Variants in HELT observed in about 807,000 individuals in gnomAD.
HELT encodes hairy and enhancer of split-related protein HELT.
Under a neutral mutation model 19.5 loss-of-function variants are expected in HELT, and 9 were observed. That is an observed-to-expected ratio of 0.46 (90% CI 0.28 to 0.80). The LOEUF (loss-of-function observed/expected upper bound fraction) is 0.80. Among genes scored for constraint, HELT ranks in the 30% least tolerant of loss-of-function variants. The pLI is 0.12. For synonymous variants in HELT, 162 were observed against 148.3 expected (o/e 1.09, Z -0.67); for missense variants, 366 against 326.3 (o/e 1.12, Z -0.94).
At chr4:185,019,132 G>A in intron 1 of HELT, 177 bp downstream of exon 1, 1 of 1,563,354 alleles carries the variant, frequency 6.4e-7, no homozygotes, top group South Asian at 1.2e-5. Flanking sequence ...GCTCAACCAG[G>A]TAGAAGTCCT....
chr4:185,020,362 C>A lies in HELT; in HGVS notation c.319C>A (p.Arg107=), dbSNP rs371797374. 6.2e-7 allele frequency: 1 copy of A among 1,614,228 alleles called. No homozygotes were observed. The highest frequency in any genetic ancestry group is 1.3e-5 in the African/African-American group (1 of 75,072). The part of the protein sequence containing the change: ...NLVHYLTTVE[R]METKDTKYAR... ...GGTGCATTACCTCACCACGGTGGAG[C>A]GGATGGAGACCAAGGACACGAAGTA... Residue 107 remains arginine (R), a synonymous_variant, in exon 4 of 4, where the codon CGG becomes AGG. Coordinates refer to ENST00000515777, the MANE Select transcript of HELT (RefSeq NM_001300781.2).
At chr4:185,020,112 G>A (rs548330166) in intron 3 of HELT, among the ~76,000 whole-genome samples, 161 bp from the exon 4 acceptor site, 1 of 152,364 alleles carries the variant, frequency 6.6e-6, no homozygotes, top group Non-Finnish European at 1.5e-5. Flanking sequence ...GCGTTTGCGC[G>A]TGCCTCGCCA....
intron 1 of HELT, 107 bp downstream of exon 1, chr4:185,019,062 C>CT (rs1733979483): frequency 6.2e-7 from 1 of 1,613,092 alleles, no homozygotes; most frequent in Non-Finnish European, 8.5e-7. Context: ...CCGCACGGGA[C>CT]TTTGAGTGTG....
Position 185,018,778 on chromosome 4 carries a change from T to G in HELT, c.-151T>G. On this transcript the variant is annotated 5_prime_UTR_variant, in exon 1 of 4. It removes an upstream start codon present in the reference 5' UTR. Transcript: ENST00000515777. ...CCTATGGAATAATTCAACTCGTGAA[T>G]GCATCTGGAGCCCTAGATGACCGCT... is the stretch of plus-strand genomic sequence containing the variant. 3.3e-6 allele frequency: 2 copies of G among 607,546 alleles called. No homozygotes were observed. Among genetic ancestry groups the G allele is most frequent in the Non-Finnish European group, 5.5e-6 (2 of 360,580 alleles). The allele number at this position is 607,546 out of a possible 1,614,324, so 37.6% of individuals were successfully genotyped here.
At position 185,020,625 on chromosome 4, in the gene HELT, G is replaced by T. The variant is rs1269702754; in HGVS notation, c.582G>T (p.Ala194=). 1.2e-6 allele frequency: 2 copies of T among 1,601,996 alleles called. No homozygotes were observed. Among genetic ancestry groups the T allele is most frequent in the African/African-American group, 1.3e-5 (1 of 74,838 alleles). Residue 194 remains alanine, a synonymous_variant, in exon 4 of 4, where the codon GCG becomes GCT. Coordinates refer to ENST00000515777, the MANE Select transcript of HELT (RefSeq NM_001300781.2). ...CCGCGCTGCCCTACCTGCCCAGCGC[G>T]CCAGTGCCGCTCGCTAGCCCAGCGC... is the stretch of plus-strand genomic sequence containing the variant. ...RSPALPYLPS[A]PVPLASPAQQ...
chr4:185,019,613 C>T, intron 2 of HELT, 122 bp downstream of exon 2: 6 of 1,586,020 alleles, frequency 3.8e-6, no homozygotes, highest in Non-Finnish European at 5.1e-6. Flanking sequence ...AGGCGGGGGG[C>T]CTGAGCGCAG....
chr4:185,018,959 A>G lies in HELT; in HGVS notation c.27+4A>G. The G allele has an allele frequency of 6.2e-7, 1 of 1,612,714 alleles. No homozygotes were observed. The highest frequency in any genetic ancestry group is 8.5e-7 in the Non-Finnish European group (1 of 1,179,144). ...AGACAAGCTCAAGGAACGCAAAGTG[A>G]GTCGGCTGAGCCCAAATGGCACTTG... On this transcript the variant is annotated splice_donor_region_variant and intron_variant, in intron 1 of 3. Coordinates refer to ENST00000515777, the MANE Select transcript of HELT (RefSeq NM_001300781.2).
rs1180688167 is a variant in HELT, at chr4:185,019,061, A to T, written c.27+106A>T. ...GATGGCAGGGAAGTGCCCGCACGGG[A>T]CTTTGAGTGTGGAGGAATCTCGAGT... On this transcript the variant is annotated intron_variant, in intron 1 of 3. Transcript: ENST00000515777. 3.1e-6 allele frequency: 5 copies of T among 1,613,218 alleles called. No individual in the cohort carries two copies. Among genetic ancestry groups the T allele is most frequent in the Admixed American group, 3.3e-5 (2 of 59,930 alleles).
chr4:185,019,303 G>T (rs1017823483), intron 1 of HELT, 84 bp from the exon 2 acceptor site: 1 of 1,231,844 alleles, frequency 8.1e-7, no homozygotes. Context: ...GGCTGGAGAG[G>T]CGGCTTGCAC....
In HELT at chr4:185,020,824, T is replaced by TG; in HGVS notation, c.*53dup. 1 of 1,491,614 alleles carries TG rather than the reference T, an allele frequency of 6.7e-7. No individual in the cohort carries two copies. Among genetic ancestry groups the TG allele is most frequent in the Non-Finnish European group, 8.9e-7 (1 of 1,129,224 alleles). 92.4% of individuals were successfully genotyped at this position (1,491,614 alleles called of 1,614,324 possible). A position where few individuals can be genotyped will look rare whatever the true frequency, so the allele number is the denominator to read the frequency against. On this transcript the variant is annotated 3_prime_UTR_variant, in exon 4 of 4. Transcript: ENST00000515777. ...TCGCTTTGGGCGCTTTTAGGAGAAA[T>TG]GCTGTATATATTGTACACATAATGT...
intron 3 of HELT, 94 bp downstream of exon 3, chr4:185,019,937 G>C (rs1489430738): frequency 3.4e-6 from 4 of 1,167,736 alleles, no homozygotes; most frequent in Admixed American, 4.4e-5. Flanking sequence ...GTGTTCCCGA[G>C]AGCTCTACTA....
At chr4:185,018,988 C>G in intron 1 of HELT, 33 bp downstream of exon 1, 1 of 1,614,000 alleles carries the variant, frequency 6.2e-7, no homozygotes. Flanking sequence ...GCACTTGCGC[C>G]CTGGTGGTGG....
In HELT at chr4:185,020,565, G is replaced by A. The variant is rs1283347285; in HGVS notation, c.522G>A (p.Gly174=). 6.9e-6 allele frequency: 11 copies of A among 1,600,004 alleles called. No homozygotes were observed. Among genetic ancestry groups the A allele is most frequent in the Admixed American group, 1.7e-5 (1 of 59,360 alleles). ...AAVFPQGSGA[G]PFPWPPGAAR... is the part of the protein sequence containing the mutation. ...TGTTCCCGCAGGGCTCTGGTGCCGG[G>A]CCTTTCCCCTGGCCGCCTGGCGCGG... Residue 174 remains glycine (G), a synonymous_variant, in exon 4 of 4, where the codon GGG becomes GGA. Coordinates refer to ENST00000515777, the MANE Select transcript of HELT (RefSeq NM_001300781.2).
chr4:185,019,196 G>C, intron 1 of HELT, 191 bp from the exon 2 acceptor site: 3 of 1,396,538 alleles, frequency 2.1e-6, no homozygotes, highest in South Asian at 1.4e-5. Flanking sequence ...GGCTGGAAGG[G>C]GAGCGCGCCA....
intron 3 of HELT, 91 bp downstream of exon 3, chr4:185,019,934 C>G: frequency 1.7e-6 from 2 of 1,200,732 alleles, no homozygotes; most frequent in South Asian, 2.8e-5. Context: ...TGAGTGTTCC[C>G]GAGAGCTCTA....
Position 185,020,164 on chromosome 4 carries a change from G to A in HELT, c.230-109G>A, listed in dbSNP as rs553088517. 1.3e-3 allele frequency: 1,983 copies of A among 1,488,088 alleles called. 4 individuals are homozygous for A. Among genetic ancestry groups the A allele is most frequent in the Middle Eastern group, 4.9e-3 (20 of 4,068 alleles). 92.2% of individuals were successfully genotyped at this position (1,488,088 alleles called of 1,614,324 possible). A position where few individuals can be genotyped will look rare whatever the true frequency, so the allele number is the denominator to read the frequency against. On this transcript the variant is annotated intron_variant, in intron 3 of 3. Coordinates refer to ENST00000515777, the MANE Select transcript of HELT (RefSeq NM_001300781.2). The stretch of plus-strand genomic sequence containing the variant: ...AGAGGAGAGGGCGGGCCTCAAATGG[G>A]AACTTTGGCCAGAAAATGTGGTGGG...
At position 185,020,438 on chromosome 4, in the gene HELT, C is replaced by A. The variant is rs780182208; in HGVS notation, c.395C>A (p.Pro132His). The A allele has an allele frequency of 6.2e-7, 1 of 1,614,086 alleles. No individual in the cohort carries two copies. The highest frequency in any genetic ancestry group is 1.7e-5 in the Admixed American group (1 of 60,032). Residue 132 changes from proline (P) to histidine (H), a missense_variant, in exon 4 of 4, where the codon CCC becomes CAC. Physicochemically the swap from Pro to His is moderately conservative, Grantham distance 77 (BLOSUM62 -2). Coordinates refer to ENST00000515777, the MANE Select transcript of HELT (RefSeq NM_001300781.2). ...TCCAAGGCCCGCCTGGGCGCGGAGC[C>A]CGCCTTTCCGCCGCTGGGTTCGCTC... ...LQSKARLGAE[P>H]AFPPLGSLPE...
chr4:185,020,901 G>A lies in HELT; in HGVS notation c.*129G>A. On this transcript the variant is annotated 3_prime_UTR_variant, in exon 4 of 4. Transcript: ENST00000515777. ...GCTGGGGGAGGCAAAGAGCGAATGA[G>A]TCTTCTGAAGGATCTCCCCCTGGTA... 3 of 1,108,394 alleles carry A rather than the reference G, an allele frequency of 2.7e-6. No homozygotes were observed. Among genetic ancestry groups the A allele is most frequent in the South Asian group, 2.1e-5 (1 of 47,798 alleles). 68.7% of individuals were successfully genotyped at this position (1,108,394 alleles called of 1,614,324 possible). A position where few individuals can be genotyped will look rare whatever the true frequency, so the allele number is the denominator to read the frequency against.
Position 185,020,375 on chromosome 4 carries a change from A to C in HELT, c.332A>C (p.Lys111Thr). 1 of 1,614,214 alleles carries C rather than the reference A, an allele frequency of 6.2e-7. No individual in the cohort carries two copies. Among genetic ancestry groups the C allele is most frequent in the Non-Finnish European group, 8.5e-7 (1 of 1,180,040 alleles). The stretch of plus-strand genomic sequence containing the variant: ...ACCACGGTGGAGCGGATGGAGACCA[A>C]GGACACGAAGTACGCGCGCATCCTC... ...YLTTVERMET[K>T]DTKYARILAF... The change falls in exon 4 of 4, where the codon AAG (lysine) becomes ACG (threonine). Residue 111 changes from lysine (K) to threonine (T), a missense_variant. By Grantham distance (78) the Lys-to-Thr change is moderately conservative. Coordinates refer to ENST00000515777, the MANE Select transcript of HELT (RefSeq NM_001300781.2).
Sources: gnomAD v4.1 joint callset for allele counts (sites outside exome capture counted in the v4.1 genomes callset) on GRCh38, gnomAD v4.1.1 for gene constraint, MANE v1.5 for transcripts, NCBI Gene and HGNC (gene_info 2026-07-23, HGNC 2026-07-21) for gene names.